Variants in ERI1 observed in about 807,000 individuals in gnomAD.
The protein encoded by ERI1 is exoribonuclease 1, also known as 3'-5' exoribonuclease 1.
ERI1 carries 39 observed loss-of-function variants against 39.7 expected under a neutral mutation model. The ratio of observed to expected loss-of-function variants is 0.98; its 90% confidence interval spans 0.76 to 1.28. ERI1 has a LOEUF of 1.28. ERI1 is among the 50% of genes most tolerant of loss of function. The probability of loss-of-function intolerance (pLI) is 0.00; values close to 1 mark genes in which losing one functional copy is unlikely to be tolerated. For missense variants in ERI1, 581 were observed against 416.9 expected (o/e 1.39, Z -3.43); for synonymous variants, 204 against 149.6 (o/e 1.36, Z -2.65).
intron 6 of ERI1, among the ~76,000 whole-genome samples, chr8:9,024,063 G>A (rs1407541084): frequency 6.6e-6 from 1 of 152,116 alleles, no homozygotes; most frequent in Non-Finnish European, 1.5e-5. Context: ...GCCGTCCAAA[G>A]TGCTGGAATT....
chr8:9,059,286 G>GGC, intron 3 of ERI1, among the ~76,000 whole-genome samples: 1 of 152,246 alleles, frequency 6.6e-6, no homozygotes, highest in East Asian at 1.9e-4. Flanking sequence ...GGGATATGAT[G>GGC]GCTTAGCTTG....
intron 3 of ERI1, among the ~76,000 whole-genome samples, chr8:9,083,835 C>CTG (rs1799442080): frequency 1.3e-5 from 2 of 151,880 alleles, no homozygotes; most frequent in Non-Finnish European, 2.9e-5. Context: ...GCTCTGTAGC[C>CTG]CAGGCTGGAG....
chr8:9,019,089 A>G (rs1282015892), intron 5 of ERI1, among the ~76,000 whole-genome samples: 2 of 152,176 alleles, frequency 1.3e-5, no homozygotes, highest in African/African-American at 4.8e-5. Flanking sequence ...ATCTTCCATA[A>G]TGCTTACCTT....
intron 3 of ERI1, among the ~76,000 whole-genome samples, chr8:9,050,305 C>G (rs1057222927): frequency 6.6e-6 from 1 of 151,964 alleles, no homozygotes; most frequent in African/African-American, 2.4e-5. Context: ...GTCAGGAGTT[C>G]GAGACCACCC....
downstream of ERI1, among the ~76,000 whole-genome samples, chr8:9,038,326 G>GAT (rs1423883496): frequency 6.6e-6 from 1 of 152,214 alleles, no homozygotes; most frequent in African/African-American, 2.4e-5. Flanking sequence ...GCAGTAACAA[G>GAT]ATATTTTGAG....
chr8:9,037,853 C>G (rs1402751238), downstream of ERI1, among the ~76,000 whole-genome samples: 1 of 148,522 alleles, frequency 6.7e-6, no homozygotes, highest in Non-Finnish European at 1.5e-5. Context: ...AAATGTTAAG[C>G]TGTCCTTCCT....
intron 3 of ERI1, among the ~76,000 whole-genome samples, chr8:9,098,290 C>T (rs1057029008): frequency 4.6e-5 from 7 of 151,798 alleles, no homozygotes; most frequent in Non-Finnish European, 1.0e-4. Flanking sequence ...GAGGCTGAGG[C>T]GGGTGGATCA....
At chr8:9,081,355 G>C (rs1010126233) in intron 3 of ERI1, among the ~76,000 whole-genome samples, 1 of 152,214 alleles carries the variant, frequency 6.6e-6, no homozygotes, top group Non-Finnish European at 1.5e-5. Context: ...GATGAAACAA[G>C]ATTGGCTGTG....
At chr8:9,027,149 A>ATGTGTGTG (rs140641752) in intron 6 of ERI1, among the ~76,000 whole-genome samples, 1 of 141,692 alleles carries the variant, frequency 7.1e-6, no homozygotes, top group Non-Finnish European at 1.5e-5. Flanking sequence ...GTGTGTGTGT[A>ATGTGTGTG]TGTGTGTGTG....
rs567152843 is a variant in ERI1, at chr8:9,024,390, C to G, written c.807+3926C>G. ...AAAATTATACAGCTGTTTCTTTTTG[C>G]TTTTCTCTTCTTTTTTCTCTTTTCT... On this transcript the variant is annotated intron_variant, in intron 6 of 6. Coordinates refer to ENST00000250263, the MANE Select transcript of ERI1 (RefSeq NM_153332.4). Among the ~76,000 whole-genome samples the G allele has an allele frequency of 2.2e-4, 33 of 151,932 alleles. 1 individual carries two copies. In the South Asian group the frequency reaches 6.7e-3, roughly 31 times the overall value.
intron 3 of ERI1, among the ~76,000 whole-genome samples, chr8:9,092,957 G>T (rs1799754042): frequency 6.6e-6 from 1 of 152,214 alleles, no homozygotes. Flanking sequence ...GGGAGTCTTT[G>T]GCGTTCCTTG....
At chr8:9,007,820 C>A (rs1020691688) in intron 1 of ERI1, 150 bp from the exon 2 acceptor site, 65 of 1,186,060 alleles carry the variant, frequency 5.5e-5, no homozygotes, top group Non-Finnish European at 7.1e-5. Context: ...TCCTTTCCTC[C>A]GTTTAGGAGC....
At chr8:9,007,905 G>C in intron 1 of ERI1, 65 bp from the exon 2 acceptor site, 3 of 1,501,876 alleles carry the variant, frequency 2.0e-6, no homozygotes, top group East Asian at 2.4e-5. Flanking sequence ...CTTTAAATCT[G>C]TGATGTTTGT....
At chr8:9,056,909 C>G (rs1798526514) in intron 3 of ERI1, among the ~76,000 whole-genome samples, 1 of 152,150 alleles carries the variant, frequency 6.6e-6, no homozygotes, top group Non-Finnish European at 1.5e-5. Flanking sequence ...TCTCGTCTCA[C>G]TGTAATCTTT....
At chr8:9,043,439 A>G (rs111595657) in intron 3 of ERI1, among the ~76,000 whole-genome samples, 2,906 of 152,302 alleles carry the variant, frequency 0.019, 83 homozygotes, top group South Asian at 0.094. Context: ...GGCCAGGCCT[A>G]AATCAAAGAG....
intron 2 of ERI1, among the ~76,000 whole-genome samples, chr8:9,009,358 T>A (rs1055455831): frequency 6.6e-6 from 1 of 152,134 alleles, no homozygotes; most frequent in African/African-American, 2.4e-5. Context: ...TTCTCAGGAA[T>A]TCAGAAAGAT....
chr8:9,084,970 T>TC (rs897572801), intron 3 of ERI1, among the ~76,000 whole-genome samples: 6 of 151,864 alleles, frequency 4.0e-5, no homozygotes, highest in African/African-American at 1.5e-4. Context: ...CAAAATGTAA[T>TC]CCCCCCTGCA....
chr8:9,011,467 G>A (rs1816659051), intron 2 of ERI1, 75 bp from the exon 3 acceptor site: 1 of 968,912 alleles, frequency 1.0e-6, no homozygotes, highest in Admixed American at 2.8e-5. Flanking sequence ...GTTCAGCCCA[G>A]TGCCAGCAGG....
intron 6 of ERI1, among the ~76,000 whole-genome samples, chr8:9,025,401 G>A (rs1292887872): frequency 6.6e-6 from 1 of 152,178 alleles, no homozygotes; most frequent in African/African-American, 2.4e-5. Context: ...CTTCTTATAG[G>A]GACTTGTTCA....
Sources: allele counts gnomAD v4.1 joint callset (sites outside exome capture counted in the v4.1 genomes callset), GRCh38; gene constraint gnomAD v4.1.1; transcripts MANE v1.5; gene names NCBI Gene and HGNC (gene_info 2026-07-23, HGNC 2026-07-21).